The following HECTD4 variants were observed in gnomAD, a reference collection of about 807,000 sequenced individuals.
The protein encoded by HECTD4 is probable E3 ubiquitin-protein ligase HECTD4.
Under a neutral mutation model 471.5 loss-of-function variants are expected in HECTD4, and 114 were observed. The ratio of observed to expected loss-of-function variants is 0.24; its 90% CI spans 0.21 to 0.28. The LOEUF (loss-of-function observed/expected upper bound fraction) is 0.28. Ranked by LOEUF, HECTD4 falls within the 10% of genes least tolerant of loss-of-function variation. The pLI is 1.00. For missense variants in HECTD4, 3,866 were observed against 5,651.5 expected, an observed-to-expected ratio of 0.68 and a Z score of 10.13; for synonymous variants, 2,012 against 2,256.0, an observed-to-expected ratio of 0.89 and a Z score of 3.07.
At position 112,204,540 on chromosome 12, in the gene HECTD4, T is replaced by C; in HGVS notation, c.8215A>G (p.Ile2739Val). ...TTTGCTTCGTCTTTAATGTCTTCAA[T>C]GGTGGGAAGATAAAGGTCTCTTGGG... Reference protein sequence around the residue: ...GIPRDLYLPTIEDIKDEANKF... With the variant: ...GIPRDLYLPTVEDIKDEANKF... Residue 2739 changes from isoleucine (I) to valine (V), a missense_variant, in exon 53 of 76, where the codon ATT becomes GTT. Ile to Val is a conservative substitution (Grantham distance 29, BLOSUM62 3). Around this residue, in one of 16 missense-constraint regions of HECTD4, gnomAD observed 266 missense variants for 441.6 expected, o/e 0.60. Transcript: ENST00000682272. The C allele has an allele frequency of 1.2e-6, 2 of 1,613,682 alleles. No homozygotes were observed. The highest frequency in any genetic ancestry group is 8.5e-7 in the Non-Finnish European group (1 of 1,179,584).
chr12:112,377,862 C>T (rs562146862), intron 1 of HECTD4, among the ~76,000 whole-genome samples: 4 of 151,916 alleles, frequency 2.6e-5, no homozygotes, highest in East Asian at 3.9e-4. Context: ...AAGAATAAAA[C>T]TCGGTCTCAA....
chr12:112,181,119 G>A (rs1446875755), intron 62 of HECTD4, among the ~76,000 whole-genome samples: 1 of 150,020 alleles, frequency 6.7e-6, no homozygotes, highest in Non-Finnish European at 1.5e-5. Context: ...AGTGAGCTGA[G>A]ATCGCACCAC....
intron 1 of HECTD4, among the ~76,000 whole-genome samples, chr12:112,349,864 T>C (rs1392488439): frequency 6.6e-6 from 1 of 152,180 alleles, no homozygotes; most frequent in Non-Finnish European, 1.5e-5. Flanking sequence ...AGAAAAGAAA[T>C]AAAACAGACT....
chr12:112,308,470 A>C (rs2035311975), intron 6 of HECTD4, among the ~76,000 whole-genome samples: 1 of 151,572 alleles, frequency 6.6e-6, no homozygotes, highest in African/African-American at 2.4e-5. Context: ...AAAAAAAAAA[A>C]CCAGCTAGTA....
intron 1 of HECTD4, among the ~76,000 whole-genome samples, chr12:112,378,773 G>A (rs2036832391): frequency 6.6e-6 from 1 of 152,212 alleles, no homozygotes; most frequent in South Asian, 2.1e-4. Context: ...GCCAGACGCT[G>A]TGGCTCACGC....
chr12:112,232,859 G>T, intron 38 of HECTD4, 145 bp downstream of exon 38: 1 of 669,560 alleles, frequency 1.5e-6, no homozygotes, highest in Non-Finnish European at 2.6e-6. Context: ...AATGGCCTCA[G>T]TTAAGGCACT....
intron 54 of HECTD4, among the ~76,000 whole-genome samples, chr12:112,202,284 C>T (rs2032451974): frequency 6.6e-6 from 1 of 152,006 alleles, no homozygotes; most frequent in African/African-American, 2.4e-5. Flanking sequence ...CGGCTCACCG[C>T]AACCTCTGTC....
In HECTD4 at chr12:112,179,680, G is replaced by A. The variant is rs1051572312; in HGVS notation, c.10988-283C>T. ...GCACTTGGCCCCTACCTGGTTGCTCGGGGACGACAGGCCCCTCCCCGAGGG... is the reference window on the plus strand; with the variant it reads ...GCACTTGGCCCCTACCTGGTTGCTCAGGGACGACAGGCCCCTCCCCGAGGG... On this transcript the variant is annotated intron_variant, in intron 62 of 75. Transcript: ENST00000682272. The surrounding 1 kb of genome is among the most constrained non-coding windows in gnomAD (Gnocchi z 4.3). Among the ~76,000 whole-genome samples the A allele has an allele frequency of 1.3e-5, 2 of 152,180 alleles. No individual in the cohort carries two copies. The highest frequency in any genetic ancestry group is 2.9e-5 in the Non-Finnish European group (2 of 68,026).
intron 13 of HECTD4, among the ~76,000 whole-genome samples, chr12:112,268,196 G>GGTGTAT (rs1304771200): frequency 6.6e-6 from 1 of 152,086 alleles, no homozygotes; most frequent in African/African-American, 2.4e-5. Context: ...TGATAAGTCT[G>GGTGTAT]ACATATGTAT....
chr12:112,197,143 C>T lies in HECTD4; in HGVS notation c.8568-2077G>A, dbSNP rs570006014. Among the ~76,000 whole-genome samples the T allele has an allele frequency of 2.0e-5, 3 of 151,690 alleles. No homozygotes were observed. The East Asian group carries it at 5.8e-4, about 29-fold the overall frequency. On this transcript the variant is annotated intron_variant, in intron 55 of 75. Transcript: ENST00000682272. ...CCCAGACTAGTCTTGAACTCCTGGG[C>T]TCAAATGATCTTCCTTCCTTGGCCT...
At chr12:112,272,304 C>A (rs902852520) in intron 11 of HECTD4, among the ~76,000 whole-genome samples, 2 of 152,220 alleles carry the variant, frequency 1.3e-5, no homozygotes, top group East Asian at 3.8e-4. Context: ...CCTGCCTCAG[C>A]CTCCCAAAGT....
intron 1 of HECTD4, among the ~76,000 whole-genome samples, chr12:112,375,853 G>C (rs993855268): frequency 6.6e-6 from 1 of 151,532 alleles, no homozygotes; most frequent in African/African-American, 2.4e-5. Flanking sequence ...TGGATCACTT[G>C]AGGTCAGCAG....
chr12:112,230,196 C>A (rs2033343460), intron 40 of HECTD4, among the ~76,000 whole-genome samples: 1 of 152,202 alleles, frequency 6.6e-6, no homozygotes. Flanking sequence ...ACCTTCAGGA[C>A]ATGTCATAAG....
At chr12:112,336,651 A>T (rs2035963755) in intron 1 of HECTD4, among the ~76,000 whole-genome samples, 1 of 152,088 alleles carries the variant, frequency 6.6e-6, no homozygotes, top group African/African-American at 2.4e-5. Flanking sequence ...TAAAAGGAGT[A>T]CTCATCTTTT....
intron 4 of HECTD4, among the ~76,000 whole-genome samples, chr12:112,311,989 T>C (rs1407590248): frequency 2.0e-5 from 3 of 152,126 alleles, no homozygotes; most frequent in Non-Finnish European, 4.4e-5. Flanking sequence ...TTAGAAGAAA[T>C]GGTAGACCAT....
chr12:112,368,922 T>C (rs140458553), intron 1 of HECTD4, among the ~76,000 whole-genome samples: 83 of 152,198 alleles, frequency 5.5e-4, no homozygotes, highest in African/African-American at 1.9e-3. Flanking sequence ...GAGAGAAAAT[T>C]TTCAGGGGCT....
At chr12:112,251,234 T>C in intron 23 of HECTD4, 100 bp from the exon 24 acceptor site, 4 of 1,167,294 alleles carry the variant, frequency 3.4e-6, no homozygotes, top group Non-Finnish European at 4.9e-6. Context: ...CACAGGGTTC[T>C]ACAGAGCAGC....
chr12:112,279,212 A>G lies in HECTD4; in HGVS notation c.1687+16T>C. 1 of 1,598,038 alleles carries G rather than the reference A, an allele frequency of 6.3e-7. No homozygotes were observed. The highest frequency in any genetic ancestry group is 2.2e-5 in the East Asian group (1 of 44,626). The stretch of plus-strand genomic sequence containing the variant: ...GAGATAAATCGAGGAAAGTGCCACA[A>G]GTAAAATTCACTTACTTTTTAAAGA... On this transcript the variant is annotated intron_variant, in intron 9 of 75. Coordinates refer to ENST00000682272, the MANE Select transcript of HECTD4 (RefSeq NM_001388303.1).
chr12:112,270,772 A>G (rs1423256241), intron 11 of HECTD4, among the ~76,000 whole-genome samples: 1 of 152,212 alleles, frequency 6.6e-6, no homozygotes, highest in Non-Finnish European at 1.5e-5. Flanking sequence ...CAATAAACCA[A>G]GAGTCAGAGA....
Sources: allele counts gnomAD v4.1 joint callset (sites outside exome capture counted in the v4.1 genomes callset), GRCh38; gene constraint gnomAD v4.1.1; regional missense constraint gnomAD v4.1.1; non-coding constraint Gnocchi (gnomAD v3.1); transcripts MANE v1.5; gene names NCBI Gene and HGNC (gene_info 2026-07-23, HGNC 2026-07-21).